The following LRRC28 variants were observed in gnomAD, a reference collection of about 807,000 sequenced individuals.
LRRC28 encodes the protein leucine rich repeat containing 28.
LRRC28 carries 39 observed loss-of-function variants against 45.7 expected under a neutral mutation model. The observed-to-expected ratio is 0.85, with a 90% CI of 0.66 to 1.12. LRRC28 has a LOEUF of 1.12. LRRC28 is among the 50% of genes most tolerant of loss of function. The pLI is 0.00. For missense variants in LRRC28, 435 were observed against 438.5 expected, an observed-to-expected ratio of 0.99 and a Z score of 0.07; for synonymous variants, 206 against 178.8, an observed-to-expected ratio of 1.15 and a Z score of -1.22.
intron 5 of LRRC28, among the ~76,000 whole-genome samples, chr15:99,289,300 TACTGTGTATTCA>T (rs2082045429): frequency 6.6e-6 from 1 of 152,222 alleles, no homozygotes; most frequent in Non-Finnish European, 1.5e-5. Context: ...ATATGAAAGT[TACTGTGTATTCA>T]AGAATGAGCA....
chr15:99,330,601 C>G (rs1003484934), intron 5 of LRRC28, among the ~76,000 whole-genome samples: 6 of 152,002 alleles, frequency 3.9e-5, no homozygotes, highest in Non-Finnish European at 5.9e-5. Context: ...TACTTTTCAA[C>G]CTATTTGTGC....
chr15:99,361,205 CTT>C, intron 7 of LRRC28, 129 bp from the exon 8 acceptor site: 1 of 1,151,050 alleles, frequency 8.7e-7, no homozygotes, highest in Non-Finnish European at 1.2e-6. Flanking sequence ...CATCTGTTCA[CTT>C]TGAAAAGAAT....
intron 8 of LRRC28, among the ~76,000 whole-genome samples, chr15:99,362,300 A>G (rs1013966556): frequency 1.1e-4 from 17 of 152,236 alleles, no homozygotes; most frequent in African/African-American, 2.7e-4. Context: ...TTGTTCACCA[A>G]TCAGTCAATT....
Position 99,282,177 on chromosome 15 carries a change from G to GTTTTTTTT in LRRC28, c.210-5073_210-5066dup, listed in dbSNP as rs766338889. ...GGATTCCTTATGCAAATTTTTGGAG[G>GTTTTTTTT]TTTTTTTTTTTTTTGTAGCAGTAGC... On this transcript the variant is annotated intron_variant, in intron 3 of 9. Transcript: ENST00000301981. Among the ~76,000 whole-genome samples, 292 of 98,044 alleles carry GTTTTTTTT rather than the reference G, an allele frequency of 3.0e-3. 22 individuals carry two copies. The highest frequency in any genetic ancestry group is 7.8e-3 in the Middle Eastern group (1 of 128). The allele number at this position is 98,044 out of a possible 152,430, so 64.3% of individuals were successfully genotyped here.
chr15:99,357,468 CAAAA>C (rs1957079206), intron 7 of LRRC28, among the ~76,000 whole-genome samples: 1 of 152,164 alleles, frequency 6.6e-6, no homozygotes, highest in Non-Finnish European at 1.5e-5. Context: ...ATAATGTTGA[CAAAA>C]GAAACCAGGC....
At chr15:99,279,561 A>G (rs997385438) in intron 3 of LRRC28, among the ~76,000 whole-genome samples, 2 of 152,320 alleles carry the variant, frequency 1.3e-5, no homozygotes, top group Non-Finnish European at 1.5e-5. Flanking sequence ...AAGGCACTCT[A>G]ACGTGGTCCT....
intron 6 of LRRC28, among the ~76,000 whole-genome samples, chr15:99,343,349 G>A (rs1271451049): frequency 2.0e-5 from 3 of 152,192 alleles, no homozygotes; most frequent in Non-Finnish European, 4.4e-5. Flanking sequence ...TGCTTTTACA[G>A]TATGGTTAAA....
At chr15:99,374,477 G>A (rs1300488355) in intron 9 of LRRC28, among the ~76,000 whole-genome samples, 8 of 152,128 alleles carry the variant, frequency 5.3e-5, no homozygotes, top group African/African-American at 1.7e-4. Context: ...TGGCATATTA[G>A]TTCTAGGAGT....
At chr15:99,367,419 AG>A (rs1190462812) in intron 9 of LRRC28, among the ~76,000 whole-genome samples, 1 of 152,136 alleles carries the variant, frequency 6.6e-6, no homozygotes, top group Non-Finnish European at 1.5e-5. Flanking sequence ...ACATGTCAGA[AG>A]GGCAGCAGGC....
At chr15:99,327,440 A>G (rs148436026) in intron 5 of LRRC28, among the ~76,000 whole-genome samples, 1 of 152,334 alleles carries the variant, frequency 6.6e-6, no homozygotes, top group African/African-American at 2.4e-5. Flanking sequence ...GGTAATTTGT[A>G]TCTTTTTAGA....
At chr15:99,364,048 A>G (rs986876967) in intron 9 of LRRC28, among the ~76,000 whole-genome samples, 3 of 152,206 alleles carry the variant, frequency 2.0e-5, no homozygotes, top group African/African-American at 7.2e-5. Flanking sequence ...TTCCATGCCA[A>G]AAAGCATTTT....
chr15:99,378,385 A>T (rs1267970176), intron 9 of LRRC28, among the ~76,000 whole-genome samples: 8 of 152,232 alleles, frequency 5.3e-5, no homozygotes, highest in Middle Eastern at 3.4e-3. Context: ...TTGCACATTG[A>T]TTTTGTATCC....
chr15:99,302,401 A>G (rs1955015338), intron 5 of LRRC28, among the ~76,000 whole-genome samples: 1 of 143,550 alleles, frequency 7.0e-6, no homozygotes. Context: ...GTTTTTTTTG[A>G]GATGGGCAAT....
intron 5 of LRRC28, among the ~76,000 whole-genome samples, chr15:99,302,027 TAA>T (rs1272735102): frequency 7.1e-6 from 1 of 140,476 alleles, no homozygotes; most frequent in African/African-American, 3.0e-5. Flanking sequence ...CGTGAGTTAA[TAA>T]TTTTTTTTTT....
At chr15:99,311,552 A>G (rs1955410657) in intron 5 of LRRC28, among the ~76,000 whole-genome samples, 1 of 152,196 alleles carries the variant, frequency 6.6e-6, no homozygotes, top group East Asian at 1.9e-4. Flanking sequence ...TAAAAAGGAA[A>G]TGTATGAAGA....
intron 2 of LRRC28, chr15:99,260,152 G>T: frequency 3.6e-6 from 1 of 280,238 alleles, no homozygotes; most frequent in Admixed American, 5.0e-5. Flanking sequence ...GTGGGATTAT[G>T]GGTTACAAGA....
intron 5 of LRRC28, among the ~76,000 whole-genome samples, chr15:99,328,055 C>G (rs1295571247): frequency 6.6e-6 from 1 of 152,130 alleles, no homozygotes; most frequent in Non-Finnish European, 1.5e-5. Context: ...AATTTAGTTA[C>G]CTTTTGGTCA....
intron 6 of LRRC28, among the ~76,000 whole-genome samples, chr15:99,341,544 G>A (rs1398120679): frequency 2.0e-5 from 3 of 152,178 alleles, no homozygotes; most frequent in African/African-American, 4.8e-5. Context: ...TGTATGAAGA[G>A]AAAAGTGCAC....
At chr15:99,272,767 G>A (rs557809906) in intron 2 of LRRC28, among the ~76,000 whole-genome samples, 1 of 152,316 alleles carries the variant, frequency 6.6e-6, no homozygotes, top group East Asian at 1.9e-4. Context: ...AGGTAATTTA[G>A]TAGGAGGTAT....
Sources: gnomAD v4.1 joint callset for allele counts (sites outside exome capture counted in the v4.1 genomes callset) on GRCh38, gnomAD v4.1.1 for gene constraint, MANE v1.5 for transcripts, NCBI Gene and HGNC (gene_info 2026-07-23, HGNC 2026-07-21) for gene names.